Variants in KAZN observed in about 807,000 individuals in gnomAD.
The protein encoded by KAZN is kazrin, periplakin interacting protein.
KAZN carries 40 observed loss-of-function variants against 87.4 expected under a neutral mutation model. That is an observed-to-expected ratio of 0.46 (90% CI 0.36 to 0.60). The LOEUF (loss-of-function observed/expected upper bound fraction) is 0.60. Ranked by LOEUF, KAZN falls within the 20% of genes least tolerant of loss-of-function variation. KAZN has a pLI of 0.00. For synonymous variants in KAZN, 466 were observed against 458.3 expected, an observed-to-expected ratio of 1.02 and a Z score of -0.22; for missense variants, 898 against 1,073.9, an observed-to-expected ratio of 0.84 and a Z score of 2.29.
chr1:14,682,290 C>CT (rs1640714105), intron 1 of KAZN, among the ~76,000 whole-genome samples: 1 of 121,708 alleles, frequency 8.2e-6, no homozygotes. Flanking sequence ...GTCAGAATTT[C>CT]CTTTTTTTTT....
chr1:14,468,448 A>G (rs1413099514), intron 2 of KAZN, among the ~76,000 whole-genome samples: 1 of 152,168 alleles, frequency 6.6e-6, no homozygotes, highest in African/African-American at 2.4e-5. Context: ...ACTGAGGCAC[A>G]GGAAGATCAG....
intron 2 of KAZN, among the ~76,000 whole-genome samples, chr1:14,188,905 T>C (rs1356330558): frequency 2.0e-5 from 3 of 152,124 alleles, no homozygotes; most frequent in African/African-American, 7.2e-5. Context: ...AGTCAGATGA[T>C]AGAGAGCCAA....
At position 15,066,733 on chromosome 1, in the gene KAZN, G is replaced by A. The variant is rs138152782; in HGVS notation, c.1222+980G>A. ...TCTGTTACCATGCTGCTACCCAACT[G>A]TGCAAAGTAGTTTAGGGTGGCCAGA... On this transcript the variant is annotated intron_variant, in intron 8 of 14. Coordinates refer to ENST00000376030, the MANE Select transcript of KAZN (RefSeq NM_201628.3). The surrounding 1 kb of genome is among the most constrained non-coding windows in gnomAD (Gnocchi z 4.3). 217 of 985,372 alleles carry A rather than the reference G, an allele frequency of 2.2e-4. No individual in the cohort carries two copies. Among genetic ancestry groups the A allele is most frequent in the Middle Eastern group, 1.6e-3 (3 of 1,914 alleles). 61.0% of individuals were successfully genotyped at this position (985,372 alleles called of 1,614,324 possible).
intron 1 of KAZN, among the ~76,000 whole-genome samples, chr1:14,770,782 C>T (rs1467337563): frequency 1.3e-5 from 2 of 152,148 alleles, no homozygotes; most frequent in Admixed American, 6.5e-5. Context: ...TAAAAAGAAA[C>T]AGGCCTCTGA....
intron 2 of KAZN, among the ~76,000 whole-genome samples, chr1:14,991,510 A>C (rs1215991975): frequency 6.6e-6 from 1 of 152,136 alleles, no homozygotes; most frequent in African/African-American, 2.4e-5. Context: ...TGTCCTTCCT[A>C]GGAGCCCGAG....
intron 8 of KAZN, among the ~76,000 whole-genome samples, chr1:15,080,101 G>C (rs1639927042): frequency 6.6e-6 from 1 of 152,150 alleles, no homozygotes; most frequent in South Asian, 2.1e-4. Flanking sequence ...AAAATTTTCA[G>C]AGTGTGGCAG....
intron 1 of KAZN, among the ~76,000 whole-genome samples, chr1:14,683,732 G>A (rs1054455939): frequency 6.6e-6 from 1 of 152,160 alleles, no homozygotes; most frequent in Non-Finnish European, 1.5e-5. Flanking sequence ...CCCAAACTTA[G>A]AAGCATAGTG....
chr1:14,927,039 G>A (rs1659243751), intron 1 of KAZN, among the ~76,000 whole-genome samples: 2 of 152,182 alleles, frequency 1.3e-5, no homozygotes, highest in African/African-American at 4.8e-5. Flanking sequence ...GTGACCCAGG[G>A]ACTAGAGCAG....
chr1:13,918,146 T>C (rs1639929004), intron 1 of KAZN, among the ~76,000 whole-genome samples: 1 of 152,238 alleles, frequency 6.6e-6, no homozygotes, highest in African/African-American at 2.4e-5. Context: ...GCTATAGCTG[T>C]CACAGATAGT....
chr1:14,271,532 T>C (rs1342764260), intron 2 of KAZN, among the ~76,000 whole-genome samples: 1 of 152,208 alleles, frequency 6.6e-6, no homozygotes, highest in Non-Finnish European at 1.5e-5. Context: ...AAAATCTCTA[T>C]TTCTATTTCT....
intron 1 of KAZN, among the ~76,000 whole-genome samples, chr1:13,976,302 C>T (rs573297426): frequency 2.6e-5 from 4 of 152,096 alleles, no homozygotes; most frequent in East Asian, 1.9e-4. Flanking sequence ...TGTAATGTAA[C>T]GGTTTTAATA....
intron 1 of KAZN, among the ~76,000 whole-genome samples, chr1:14,844,802 A>G (rs1433391357): frequency 9.3e-6 from 1 of 108,088 alleles, no homozygotes; most frequent in South Asian, 3.3e-4. Flanking sequence ...ATCCCACCAT[A>G]GTGTCTGGTT....
rs779197767 is a variant in KAZN, at chr1:14,599,235, C to G, written c.226+12C>G. 7.3e-7 allele frequency: 1 copy of G among 1,365,794 alleles called. No homozygotes were observed. The highest frequency in any genetic ancestry group is 1.5e-5 in the African/African-American group (1 of 66,294). The allele number at this position is 1,365,794 out of a possible 1,614,324, so 84.6% of individuals were successfully genotyped here. The stretch of plus-strand genomic sequence containing the variant: ...GCTTGGAGCGCAAGGTAGGATCGCC[C>G]CGGCGCCCAGGGCGGAGGAAGGCGA... On this transcript the variant is annotated intron_variant, in intron 1 of 14. Coordinates refer to ENST00000376030, the MANE Select transcript of KAZN (RefSeq NM_201628.3). The surrounding 1 kb of genome is among the most constrained non-coding windows in gnomAD (Gnocchi z 4.4).
intron 1 of KAZN, among the ~76,000 whole-genome samples, chr1:14,175,015 A>G (rs1646040532): frequency 6.6e-6 from 1 of 152,184 alleles, no homozygotes; most frequent in Non-Finnish European, 1.5e-5. Context: ...TGTTTCTCCC[A>G]CGGGAGGGTC....
intron 2 of KAZN, among the ~76,000 whole-genome samples, chr1:15,010,891 C>T (rs1455455260): frequency 2.0e-5 from 3 of 152,196 alleles, no homozygotes; most frequent in Non-Finnish European, 4.4e-5. Context: ...GGGTAATTAA[C>T]ATTTCTCCCT....
chr1:14,617,318 C>T (rs911590441), intron 1 of KAZN, among the ~76,000 whole-genome samples: 4 of 152,174 alleles, frequency 2.6e-5, no homozygotes, highest in South Asian at 2.1e-4. Flanking sequence ...TACACTACAT[C>T]GTAGCCTATT....
chr1:14,253,157 G>C (rs1650204048), intron 2 of KAZN, among the ~76,000 whole-genome samples: 1 of 151,466 alleles, frequency 6.6e-6, no homozygotes, highest in Non-Finnish European at 1.5e-5. Flanking sequence ...CGGTTACCGG[G>C]GTAGAGTTAT....
intron 1 of KAZN, among the ~76,000 whole-genome samples, chr1:14,077,549 G>A (rs1385939378): frequency 1.3e-5 from 2 of 152,172 alleles, no homozygotes; most frequent in Non-Finnish European, 2.9e-5. Flanking sequence ...TGCTTTTTCA[G>A]ACCTGGAAGA....
chr1:14,917,635 C>T (rs1435160495), intron 1 of KAZN, among the ~76,000 whole-genome samples: 2 of 152,158 alleles, frequency 1.3e-5, no homozygotes, highest in South Asian at 2.1e-4. Context: ...TCCATTTTTA[C>T]GGATGGAGAA....
Sources: gnomAD v4.1 joint callset for allele counts (sites outside exome capture counted in the v4.1 genomes callset) on GRCh38, gnomAD v4.1.1 for gene constraint, Gnocchi (gnomAD v3.1) non-coding constraint, MANE v1.5 for transcripts, NCBI Gene and HGNC (gene_info 2026-07-23, HGNC 2026-07-21) for gene names.